The following SPAG16 variants were observed in gnomAD, a reference collection of about 807,000 sequenced individuals.
The protein encoded by SPAG16 is sperm-associated antigen 16 protein.
Under a neutral mutation model 80.4 loss-of-function variants are expected in SPAG16, and 86 were observed. The ratio of observed to expected loss-of-function variants is 1.07; its 90% confidence interval spans 0.90 to 1.28. SPAG16 has a LOEUF of 1.28. SPAG16 is among the 50% of genes most tolerant of loss of function. SPAG16 has a pLI of 0.00. For synonymous variants in SPAG16, 294 were observed against 265.9 expected (o/e 1.11, Z -1.03); for missense variants, 870 against 765.3 (o/e 1.14, Z -1.61).
intron 10 of SPAG16, among the ~76,000 whole-genome samples, chr2:213,749,668 A>T (rs750454280): frequency 1.3e-5 from 2 of 152,234 alleles, no homozygotes; most frequent in Non-Finnish European, 2.9e-5. Flanking sequence ...GATCTTGGCT[A>T]TTTAGCTATA....
At chr2:213,905,915 A>T (rs2077411093) in intron 11 of SPAG16, among the ~76,000 whole-genome samples, 1 of 152,178 alleles carries the variant, frequency 6.6e-6, no homozygotes, top group African/African-American at 2.4e-5. Flanking sequence ...TTCTGAAGGA[A>T]GCATGCTTGG....
intron 10 of SPAG16, among the ~76,000 whole-genome samples, chr2:213,727,794 G>A (rs1273920064): frequency 6.6e-6 from 1 of 152,188 alleles, no homozygotes; most frequent in Admixed American, 6.5e-5. Flanking sequence ...TGGCTAACAT[G>A]TAAAGAACAT....
At chr2:214,335,640 C>T (rs1252411320) in intron 15 of SPAG16, among the ~76,000 whole-genome samples, 2 of 151,768 alleles carry the variant, frequency 1.3e-5, no homozygotes, top group Non-Finnish European at 2.9e-5. Flanking sequence ...GTTATAAGCA[C>T]TAAACTTGGA....
At chr2:213,958,685 A>C (rs773865213) in intron 12 of SPAG16, among the ~76,000 whole-genome samples, 5 of 152,198 alleles carry the variant, frequency 3.3e-5, no homozygotes, top group Non-Finnish European at 4.4e-5. Flanking sequence ...TACATTATTC[A>C]GAAAACATAA....
chr2:213,853,885 G>T (rs1303452318), intron 10 of SPAG16, among the ~76,000 whole-genome samples: 1 of 152,164 alleles, frequency 6.6e-6, no homozygotes, highest in East Asian at 1.9e-4. Flanking sequence ...TGTGGACAAA[G>T]CTTGAGGAGG....
chr2:213,304,365 A>T lies in SPAG16; in HGVS notation c.280-5694A>T, dbSNP rs116702557. On this transcript the variant is annotated intron_variant, in intron 3 of 15. Transcript: ENST00000331683. ...ATTGATTGTTTCCTTTGCTGTGCAA[A>T]ACTTTTTAACTGATGTGATCCCATT... Among the ~76,000 whole-genome samples, 878 of 152,136 alleles carry T rather than the reference A, an allele frequency of 5.8e-3. 3 individuals carry two copies. Among genetic ancestry groups the T allele is most frequent in the Non-Finnish European group, 9.6e-3 (655 of 67,966 alleles).
At chr2:213,703,071 A>G (rs2065562956) in intron 10 of SPAG16, among the ~76,000 whole-genome samples, 1 of 152,206 alleles carries the variant, frequency 6.6e-6, no homozygotes, top group African/African-American at 2.4e-5. Context: ...AAGACGTTTT[A>G]ATGGTCAGTA....
intron 10 of SPAG16, among the ~76,000 whole-genome samples, chr2:213,687,970 G>A (rs1397687559): frequency 1.3e-5 from 2 of 152,154 alleles, no homozygotes; most frequent in African/African-American, 2.4e-5. Context: ...CCCTCAGGAG[G>A]AACTGAGGAC....
chr2:214,039,347 A>G (rs1412970140), intron 13 of SPAG16, among the ~76,000 whole-genome samples: 1 of 152,188 alleles, frequency 6.6e-6, no homozygotes, highest in African/African-American at 2.4e-5. Context: ...TCTTCTTTTG[A>G]GAAGTGTCTG....
intron 12 of SPAG16, among the ~76,000 whole-genome samples, chr2:213,933,146 C>G (rs996194397): frequency 6.6e-6 from 1 of 152,022 alleles, no homozygotes; most frequent in African/African-American, 2.4e-5. Flanking sequence ...TTATCCTACA[C>G]AAATCAATAA....
intron 11 of SPAG16, among the ~76,000 whole-genome samples, chr2:213,895,769 C>T (rs1440515424): frequency 6.6e-6 from 1 of 151,976 alleles, no homozygotes; most frequent in Non-Finnish European, 1.5e-5. Context: ...TTTTACCACA[C>T]ACAAAAATAA....
intron 11 of SPAG16, among the ~76,000 whole-genome samples, chr2:213,865,603 TTAA>T (rs1441259930): frequency 1.3e-5 from 2 of 149,972 alleles, no homozygotes; most frequent in Non-Finnish European, 3.0e-5. Flanking sequence ...AAATTAGAAA[TTAA>T]TAATGAGAAT....
intron 15 of SPAG16, among the ~76,000 whole-genome samples, chr2:214,241,626 G>A (rs1689496395): frequency 6.6e-6 from 1 of 152,134 alleles, no homozygotes; most frequent in East Asian, 1.9e-4. Flanking sequence ...ATAAATTGAT[G>A]ATGGGAAATG....
chr2:213,945,204 A>G (rs1293772891), intron 12 of SPAG16, among the ~76,000 whole-genome samples: 1 of 150,230 alleles, frequency 6.7e-6, no homozygotes, highest in Non-Finnish European at 1.5e-5. Context: ...TTATGTATAT[A>G]TATGCATGTA....
intron 15 of SPAG16, among the ~76,000 whole-genome samples, chr2:214,186,507 A>G (rs902714677): frequency 6.6e-6 from 1 of 152,090 alleles, no homozygotes. Flanking sequence ...AGAGAATTAG[A>G]AGAGTTACAG....
intron 15 of SPAG16, among the ~76,000 whole-genome samples, chr2:214,220,628 A>G (rs995712342): frequency 2.0e-5 from 3 of 152,106 alleles, no homozygotes; most frequent in African/African-American, 7.2e-5. Context: ...ATAGCTGAAT[A>G]TGCTAAAACT....
intron 14 of SPAG16, among the ~76,000 whole-genome samples, chr2:214,148,710 G>A (rs991745450): frequency 6.6e-6 from 1 of 151,692 alleles, no homozygotes; most frequent in Non-Finnish European, 1.5e-5. Context: ...ATATGCATGT[G>A]GTATAATTTT....
At chr2:213,517,143 G>C (rs112850274) in intron 10 of SPAG16, among the ~76,000 whole-genome samples, 9 of 152,200 alleles carry the variant, frequency 5.9e-5, no homozygotes, top group African/African-American at 2.2e-4. Context: ...ACAAAAATTG[G>C]TAGTATTTCT....
chr2:214,141,976 C>T (rs746384424), intron 14 of SPAG16, among the ~76,000 whole-genome samples: 12 of 152,110 alleles, frequency 7.9e-5, no homozygotes, highest in African/African-American at 2.2e-4. Flanking sequence ...GCTGTTCTGA[C>T]TGTCTTTACA....
Sources: gnomAD v4.1 joint callset for allele counts (sites outside exome capture counted in the v4.1 genomes callset) on GRCh38, gnomAD v4.1.1 for gene constraint, MANE v1.5 for transcripts, NCBI Gene and HGNC (gene_info 2026-07-23, HGNC 2026-07-21) for gene names.